The following CEMIP variants were observed in gnomAD, a reference collection of about 807,000 sequenced individuals.
CEMIP encodes cell migration-inducing and hyaluronan-binding protein.
In CEMIP, 105 loss-of-function variants were observed where a neutral mutation model predicts 156.9. The observed-to-expected ratio is 0.67, with a 90% CI of 0.57 to 0.79. The LOEUF (loss-of-function observed/expected upper bound fraction) is 0.79. Ranked by LOEUF, CEMIP falls within the 30% of genes least tolerant of loss-of-function variation. The pLI is 0.00. For missense variants in CEMIP, 1,457 were observed against 1,769.4 expected (o/e 0.82, Z 3.17); for synonymous variants, 676 against 668.4 (o/e 1.01, Z -0.17).
At chr15:80,915,655 C>A (rs902174492) in intron 14 of CEMIP, among the ~76,000 whole-genome samples, 2 of 152,148 alleles carry the variant, frequency 1.3e-5, no homozygotes, top group African/African-American at 4.8e-5. Context: ...CAAACGCTTC[C>A]CCCCAGGCTA....
At chr15:80,918,181 G>A (rs1900343865) in intron 14 of CEMIP, among the ~76,000 whole-genome samples, 2 of 152,144 alleles carry the variant, frequency 1.3e-5, no homozygotes, top group South Asian at 2.1e-4. Context: ...GGGCTGAGGT[G>A]GGAAAATGGT....
chr15:80,921,077 C>T lies in CEMIP; in HGVS notation c.2049C>T (p.Ile683=). The stretch of plus-strand genomic sequence containing the variant: ...TGGCCAATCCCAACAACAACCTCAT[C>T]AACTGTGCCGCTGCAGGATCTGAGG... The part of the protein sequence containing the change: ...FWMANPNNNL[I]NCAAAGSEET... Residue 683 remains isoleucine (I), a synonymous_variant, in exon 16 of 30, where the codon ATC becomes ATT. Transcript: ENST00000394685. The T allele has an allele frequency of 6.2e-7, 1 of 1,614,190 alleles. No homozygotes were observed. Among genetic ancestry groups the T allele is most frequent in the South Asian group, 1.1e-5 (1 of 91,084 alleles).
chr15:80,905,854 C>T (rs539901239), intron 12 of CEMIP, among the ~76,000 whole-genome samples: 11 of 152,088 alleles, frequency 7.2e-5, no homozygotes, highest in Admixed American at 2.0e-4. Flanking sequence ...TCCTCTCCAC[C>T]GACACCAGAG....
At chr15:80,818,771 A>G (rs1438397278) in intron 1 of CEMIP, among the ~76,000 whole-genome samples, 2 of 152,210 alleles carry the variant, frequency 1.3e-5, no homozygotes, top group African/African-American at 4.8e-5. Context: ...TGGGGCTTGT[A>G]GAGAAAGAGT....
Position 80,942,038 on chromosome 15 carries a change from C to T in CEMIP, c.3597C>T (p.Leu1199=). The stretch of plus-strand genomic sequence containing the variant: ...TAGACGTGCCGATGCCCAAGAAGCT[C>T]TTTGGTTCTCAGCTGGTGAGTGGCT... ...AVVDVPMPKK[L]FGSQLKTKDH... is the part of the protein sequence containing the mutation. Residue 1199 remains leucine, a synonymous_variant, in exon 26 of 30, where the codon CTC becomes CTT. Coordinates refer to ENST00000394685, the MANE Select transcript of CEMIP (RefSeq NM_001293298.2). The T allele has an allele frequency of 2.5e-6, 4 of 1,613,590 alleles. No homozygotes were observed. The highest frequency in any genetic ancestry group is 3.4e-6 in the Non-Finnish European group (4 of 1,179,774).
At chr15:80,785,801 C>A (rs946605634) in intron 1 of CEMIP, among the ~76,000 whole-genome samples, 1 of 152,160 alleles carries the variant, frequency 6.6e-6, no homozygotes, top group African/African-American at 2.4e-5. Context: ...AGTTTCTTAC[C>A]TGCCTCAGAT....
At chr15:80,841,071 G>T (rs1002699630) in intron 1 of CEMIP, among the ~76,000 whole-genome samples, 6 of 152,198 alleles carry the variant, frequency 3.9e-5, no homozygotes, top group African/African-American at 1.4e-4. Flanking sequence ...TCCTCTGAGG[G>T]GTAGGCTGTG....
At chr15:80,794,073 A>C (rs937203914) in intron 1 of CEMIP, among the ~76,000 whole-genome samples, 1 of 152,194 alleles carries the variant, frequency 6.6e-6, no homozygotes, top group South Asian at 2.1e-4. Context: ...GGACAACTTG[A>C]GGTCAAAGAC....
intron 1 of CEMIP, among the ~76,000 whole-genome samples, chr15:80,801,235 T>C (rs902800845): frequency 1.3e-5 from 2 of 152,214 alleles, no homozygotes; most frequent in African/African-American, 4.8e-5. Context: ...TATTGTCCTG[T>C]GGGTCAACCA....
chr15:80,892,310 C>T (rs1899058577), intron 10 of CEMIP, among the ~76,000 whole-genome samples: 1 of 152,146 alleles, frequency 6.6e-6, no homozygotes, highest in Non-Finnish European at 1.5e-5. Flanking sequence ...CACAGTTGAC[C>T]TTAAGAAAAG....
Position 80,879,738 on chromosome 15 carries a change from C to T in CEMIP, c.264C>T (p.His88=), listed in dbSNP as rs769185497. 93 of 1,614,088 alleles carry T rather than the reference C, an allele frequency of 5.8e-5. No individual in the cohort carries two copies. Among genetic ancestry groups the T allele is most frequent in the African/African-American group, 2.3e-4 (17 of 74,926 alleles). Residue 88 remains histidine, a synonymous_variant, in exon 5 of 30, where the codon CAC becomes CAT. Coordinates refer to ENST00000394685, the MANE Select transcript of CEMIP (RefSeq NM_001293298.2). Reference sequence around the variant, plus strand: ...CAGGCAAGCTGGTCATTAAAGACCACGACGAGCCGATTGTTTTGCGAACCC... The same window carrying T: ...CAGGCAAGCTGGTCATTAAAGACCATGACGAGCCGATTGTTTTGCGAACCC... ...SEGGKLVIKD[H]DEPIVLRTRH...
chr15:80,931,588 T>C (rs1459881267), intron 21 of CEMIP, among the ~76,000 whole-genome samples: 2 of 152,134 alleles, frequency 1.3e-5, no homozygotes, highest in Non-Finnish European at 2.9e-5. Context: ...CATCCATTCA[T>C]CCATCCATCC....
chr15:80,934,002 A>G (rs1901023819), intron 23 of CEMIP, among the ~76,000 whole-genome samples: 1 of 152,236 alleles, frequency 6.6e-6, no homozygotes, highest in Admixed American at 6.5e-5. Flanking sequence ...CAGTGTAGAA[A>G]ATCATTAAAA....
chr15:80,861,339 C>T lies in CEMIP; in HGVS notation c.-175-12199C>T, dbSNP rs546129268. The stretch of plus-strand genomic sequence containing the variant: ...CCTCCTGTCCGCCAGTGCCCCCACA[C>T]CCATGCTTTCAGGATAAAATCCAGA... On this transcript the variant is annotated intron_variant, in intron 1 of 29. Transcript: ENST00000394685. Among the ~76,000 whole-genome samples, 5 of 152,304 alleles carry T rather than the reference C, an allele frequency of 3.3e-5. No individual in the cohort carries two copies. The East Asian group carries it at 9.7e-4, about 29-fold the overall frequency.
At chr15:80,921,400 A>G (rs1286167508) in intron 16 of CEMIP, among the ~76,000 whole-genome samples, 1 of 152,236 alleles carries the variant, frequency 6.6e-6, no homozygotes, top group Non-Finnish European at 1.5e-5. Flanking sequence ...TTAGCTTAGA[A>G]TGGTACCTGA....
At chr15:80,809,213 T>C (rs1896595243) in intron 1 of CEMIP, among the ~76,000 whole-genome samples, 1 of 152,232 alleles carries the variant, frequency 6.6e-6, no homozygotes, top group Non-Finnish European at 1.5e-5. Context: ...ATTTTTATTA[T>C]AGTGATGTTT....
intron 1 of CEMIP, among the ~76,000 whole-genome samples, chr15:80,863,988 G>A (rs1898053958): frequency 6.6e-6 from 1 of 151,630 alleles, no homozygotes; most frequent in South Asian, 2.1e-4. Context: ...TCCCTCTTTT[G>A]GGATCTGTGC....
chr15:80,810,803 ACCATCCATCCATCCATCCATCCATCCAT>A (rs59025609), intron 1 of CEMIP, among the ~76,000 whole-genome samples: 12 of 149,416 alleles, frequency 8.0e-5, no homozygotes, highest in South Asian at 6.5e-4. Flanking sequence ...TATCCATTCA[ACCATCCATCCATCCATCCATCCATCCAT>A]CCATCCATCC....
intron 28 of CEMIP, among the ~76,000 whole-genome samples, chr15:80,943,855 C>T (rs907599423): frequency 1.3e-5 from 2 of 152,176 alleles, no homozygotes; most frequent in African/African-American, 4.8e-5. Context: ...CCATATTGGC[C>T]GCTGGTTTAA....
Sources: gnomAD v4.1 joint callset for allele counts (sites outside exome capture counted in the v4.1 genomes callset) on GRCh38, gnomAD v4.1.1 for gene constraint, MANE v1.5 for transcripts, NCBI Gene and HGNC (gene_info 2026-07-23, HGNC 2026-07-21) for gene names.